CAB39: variants seen among roughly 807,000 people sequenced by gnomAD.
CAB39 encodes the protein calcium-binding protein 39.
Under a neutral mutation model 40.0 loss-of-function variants are expected in CAB39, and 8 were observed. The observed-to-expected ratio is 0.20, with a 90% CI of 0.12 to 0.36. The LOEUF is 0.36. Among genes scored for constraint, CAB39 ranks in the 10% least tolerant of loss-of-function variants. The pLI, the probability that CAB39 is intolerant of heterozygous loss-of-function variation, is 1.00. For synonymous variants in CAB39, 156 were observed against 141.6 expected (o/e 1.10, Z -0.72); for missense variants, 270 against 401.1 (o/e 0.67, Z 2.79).
intron 2 of CAB39, among the ~76,000 whole-genome samples, chr2:230,778,159 A>G (rs866170232): frequency 2.0e-5 from 3 of 152,190 alleles, no homozygotes; most frequent in Non-Finnish European, 2.9e-5. Flanking sequence ...TGTGCTTTCT[A>G]TATTGAGGTT....
chr2:230,789,772 T>A (rs1695860467), intron 2 of CAB39, among the ~76,000 whole-genome samples: 1 of 152,236 alleles, frequency 6.6e-6, no homozygotes, highest in South Asian at 2.1e-4. Flanking sequence ...TTGGCCTCCC[T>A]GGGTTGCCAG....
chr2:230,717,718 A>G (rs1422582226), intron 1 of CAB39, among the ~76,000 whole-genome samples: 1 of 152,220 alleles, frequency 6.6e-6, no homozygotes, highest in Non-Finnish European at 1.5e-5. Flanking sequence ...GCTAGTTGCC[A>G]TCTGCATTTT....
At chr2:230,816,635 TAAAGC>T (rs1440557702) in intron 7 of CAB39, among the ~76,000 whole-genome samples, 1 of 152,306 alleles carries the variant, frequency 6.6e-6, no homozygotes, top group East Asian at 1.9e-4. Context: ...CAAAAGCAAT[TAAAGC>T]AAAGCCACAG....
chr2:230,796,392 T>C (rs1320459168), intron 4 of CAB39, among the ~76,000 whole-genome samples: 1 of 151,934 alleles, frequency 6.6e-6, no homozygotes, highest in African/African-American at 2.4e-5. Flanking sequence ...CTGTTCACTC[T>C]AGTGCTCACA....
rs189812075 is a variant in CAB39 at position 230,772,293 on chromosome 2, A to C, written c.114+12178A>C. Among the ~76,000 whole-genome samples the C allele has an allele frequency of 2.1e-3, 317 of 152,352 alleles. 2 individuals carry two copies. In the Middle Eastern group the frequency reaches 0.024, roughly 11 times the overall value. On this transcript the variant is annotated intron_variant, in intron 2 of 8. Transcript: ENST00000258418. ...TCACCAAAGGAGATAGGCAGATGTC[A>C]AATAAGCCCTTGAAAAGATGTTAAT...
At chr2:230,793,943 A>C (rs1419452752) in intron 4 of CAB39, among the ~76,000 whole-genome samples, 1 of 152,210 alleles carries the variant, frequency 6.6e-6, no homozygotes, top group African/African-American at 2.4e-5. Flanking sequence ...CTGAAAACCG[A>C]ACCATAGAAC....
intron 1 of CAB39, among the ~76,000 whole-genome samples, chr2:230,722,271 T>G (rs1694467846): frequency 6.6e-6 from 1 of 152,252 alleles, no homozygotes; most frequent in South Asian, 2.1e-4. Flanking sequence ...TACATGAATT[T>G]ATAAACTTAG....
intron 5 of CAB39, among the ~76,000 whole-genome samples, chr2:230,803,573 T>C (rs1183806779): frequency 1.3e-5 from 2 of 152,148 alleles, no homozygotes; most frequent in Non-Finnish European, 2.9e-5. Flanking sequence ...GGATACAAAA[T>C]CAAGGTGCAA....
At chr2:230,814,323 A>G (rs1407569116) in intron 7 of CAB39, among the ~76,000 whole-genome samples, 1 of 152,094 alleles carries the variant, frequency 6.6e-6, no homozygotes, top group African/African-American at 2.4e-5. Flanking sequence ...GGAGACACAG[A>G]AAGGGAATGA....
At chr2:230,726,597 C>G (rs1694576958) in intron 1 of CAB39, among the ~76,000 whole-genome samples, 1 of 152,100 alleles carries the variant, frequency 6.6e-6, no homozygotes, top group East Asian at 1.9e-4. Flanking sequence ...TGTGCCTTAA[C>G]CTTCCCATGT....
chr2:230,778,873 A>AT (rs1695640395), intron 2 of CAB39: 1 of 152,204 alleles, frequency 6.6e-6, no homozygotes, highest in South Asian at 2.1e-4. Context: ...TTATCTAAAC[A>AT]TAGAAAAGGT....
At chr2:230,715,578 A>G (rs1022495081) in intron 1 of CAB39, among the ~76,000 whole-genome samples, 3 of 152,222 alleles carry the variant, frequency 2.0e-5, no homozygotes, top group Non-Finnish European at 4.4e-5. Flanking sequence ...TCTCTACACT[A>G]GGGCCATCCA....
chr2:230,748,831 A>AAAATATATAT (rs1386799920), intron 1 of CAB39, among the ~76,000 whole-genome samples: 26 of 28,490 alleles, frequency 9.1e-4, no homozygotes, highest in Non-Finnish European at 1.4e-3. Flanking sequence ...AAAAAAAAAA[A>AAAATATATAT]ATATATATAT....
rs150301295 is a variant in CAB39, at chr2:230,815,966, T to A, written c.694-1788T>A. On this transcript the variant is annotated intron_variant, in intron 7 of 8. Transcript: ENST00000258418. ...ATATTCCCTATGCAAGACTCCCAAG[T>A]TTTTTAGTAAAGTATTACATGTTTG... 6.2e-3 allele frequency among the ~76,000 whole-genome samples: 943 copies of A among 152,320 alleles called. 1 individual carries two copies. The highest frequency in any genetic ancestry group is 0.01 in the Non-Finnish European group (681 of 68,030).
In CAB39 at chr2:230,728,134, C is replaced by A. The variant is rs184318145; in HGVS notation, c.-44+14904C>A. ...CACGCCTGTAGTCCCAGCTACTCGG[C>A]GGCTGAGACAGGAGAATTGCTTGAA... On this transcript the variant is annotated intron_variant, in intron 1 of 8. Coordinates refer to ENST00000258418, the MANE Select transcript of CAB39 (RefSeq NM_016289.4). 4.9e-4 allele frequency among the ~76,000 whole-genome samples: 74 copies of A among 152,052 alleles called. No homozygotes were observed. In the East Asian group the frequency reaches 0.013, roughly 28 times the overall value.
Position 230,749,838 on chromosome 2 carries a change from ATTTT to A in CAB39, c.-43-10119_-43-10116del, listed in dbSNP as rs576503181. On this transcript the variant is annotated intron_variant, in intron 1 of 8. Coordinates refer to ENST00000258418, the MANE Select transcript of CAB39 (RefSeq NM_016289.4). ...GAAGTGTAATTGCGGGCTTAGAAAC[ATTTT>A]TAAGTTTACTGATACATATGAATAT... is the stretch of plus-strand genomic sequence containing the variant. 2.0e-5 allele frequency among the ~76,000 whole-genome samples: 3 copies of A among 152,322 alleles called. No homozygotes were observed. In the East Asian group the frequency reaches 5.8e-4, roughly 29 times the overall value.
chr2:230,783,107 G>A (rs959897328), intron 2 of CAB39, among the ~76,000 whole-genome samples: 6 of 152,064 alleles, frequency 3.9e-5, no homozygotes, highest in Non-Finnish European at 5.9e-5. Flanking sequence ...GATTACAGGC[G>A]TGAGCCACTG....
chr2:230,752,637 C>T (rs1427707460), intron 1 of CAB39, among the ~76,000 whole-genome samples: 1 of 152,164 alleles, frequency 6.6e-6, no homozygotes. Flanking sequence ...AAATTTCCAA[C>T]CCATGGATTT....
At chr2:230,728,491 G>A (rs1324022683) in intron 1 of CAB39, among the ~76,000 whole-genome samples, 1 of 151,874 alleles carries the variant, frequency 6.6e-6, no homozygotes, top group African/African-American at 2.4e-5. Flanking sequence ...TGTAGAAATC[G>A]TGTTTTGCCA....
Sources: gnomAD v4.1 joint callset for allele counts (sites outside exome capture counted in the v4.1 genomes callset) on GRCh38, gnomAD v4.1.1 for gene constraint, MANE v1.5 for transcripts, NCBI Gene and HGNC (gene_info 2026-07-23, HGNC 2026-07-21) for gene names.